TRA2B: variants seen among roughly 807,000 people sequenced by gnomAD.
The protein encoded by TRA2B is transformer-2 protein homolog beta.
TRA2B carries 14 observed loss-of-function variants against 41.7 expected under a neutral mutation model. That is an observed-to-expected ratio of 0.34 (90% CI 0.22 to 0.53). The LOEUF (loss-of-function observed/expected upper bound fraction) is 0.53, where lower values mean the gene tolerates loss of function less well. Among genes scored for constraint, TRA2B ranks in the 20% least tolerant of loss-of-function variants. The pLI is 0.95. For missense variants in TRA2B, 167 were observed against 396.8 expected (o/e 0.42, Z 4.92); for synonymous variants, 130 against 128.8 (o/e 1.01, Z -0.06).
chr3:185,923,694 GTAT>G, intron 4 of TRA2B, 99 bp downstream of exon 4: 5 of 1,123,068 alleles, frequency 4.5e-6, no homozygotes, highest in Non-Finnish European at 4.9e-6. Context: ...AAAGTTCGAA[GTAT>G]TACTGACTTG....
chr3:185,931,738 T>C (rs1387636163), intron 1 of TRA2B: 2 of 1,464,886 alleles, frequency 1.4e-6, no homozygotes, highest in East Asian at 2.7e-5. Flanking sequence ...ATAATTAGCA[T>C]GCATTCTTTC....
At position 185,926,619 on chromosome 3, in the gene TRA2B, C is replaced by T; in HGVS notation, c.152G>A (p.Arg51Lys). 2 of 1,614,110 alleles carry T rather than the reference C, an allele frequency of 1.2e-6. No individual in the cohort carries two copies. The highest frequency in any genetic ancestry group is 1.7e-6 in the Non-Finnish European group (2 of 1,179,988). Reference protein sequence around the residue: ...EDSRRSRSKSRSRSESRSRSR... With the variant: ...EDSRRSRSKSKSRSESRSRSR... ...TTCTTACCTAGATTCAGATCGGGAC[C>T]TGGACTTTGATCTGGAACGCCTGGA... The change falls in exon 2 of 9, where the codon AGG becomes AAG. Residue 51 changes from arginine to lysine, a missense_variant. This residue lies in a region of TRA2B where 94 missense variants were observed against 133.4 expected (regional missense o/e 0.70). Transcript: ENST00000453386.
intron 1 of TRA2B, among the ~76,000 whole-genome samples, chr3:185,932,491 T>C (rs1483099256): frequency 6.6e-6 from 1 of 152,090 alleles, no homozygotes; most frequent in African/African-American, 2.4e-5. Context: ...CAAAATCAAG[T>C]CAACCACCTA....
chr3:185,922,460 T>C lies in TRA2B; in HGVS notation c.523-334A>G, dbSNP rs182841037. ...CTGTATAACCCATAAGCTAAAAATT[T>C]AAATAACTAGGGGGAAAAACAGTAT... On this transcript the variant is annotated intron_variant, in intron 4 of 8. Transcript: ENST00000453386. The C allele has an allele frequency of 1.0e-3, 180 of 174,190 alleles. 2 individuals carry two copies. The highest frequency in any genetic ancestry group is 1.1e-3 in the Admixed American group (18 of 15,970). The allele number at this position is 174,190 out of a possible 1,614,324, so 10.8% of individuals were successfully genotyped here. A position where few individuals can be genotyped will look rare whatever the true frequency, so the allele number is the denominator to read the frequency against.
chr3:185,926,458 C>G, intron 2 of TRA2B, 143 bp downstream of exon 2: 1 of 1,109,246 alleles, frequency 9.0e-7, no homozygotes, highest in South Asian at 1.9e-5. Context: ...TTAGTCTTGC[C>G]TCCCAGAACT....
At chr3:185,921,865 A>G (rs1031535810) in intron 5 of TRA2B, 146 bp downstream of exon 5, 1 of 536,678 alleles carries the variant, frequency 1.9e-6, no homozygotes, top group East Asian at 3.1e-5. Context: ...TTCTACTATG[A>G]GAAAAATGCC....
intron 1 of TRA2B, among the ~76,000 whole-genome samples, chr3:185,930,838 G>C (rs946502845): frequency 6.6e-6 from 1 of 152,190 alleles, no homozygotes; most frequent in Non-Finnish European, 1.5e-5. Context: ...AAATAGGAAT[G>C]AAAGCATCTG....
In TRA2B at chr3:185,926,795, A is replaced by G. The variant is rs942066232; in HGVS notation, c.37-61T>C. 3.2e-6 allele frequency: 5 copies of G among 1,585,622 alleles called. No homozygotes were observed. The African/African-American group carries it at 6.7e-5, about 21-fold the overall frequency. On this transcript the variant is annotated intron_variant, in intron 1 of 8. Transcript: ENST00000453386. ...TTCTGGGCAACTTTAAAAACAAATAAGCTGCTGTGAGATAAATGGTGAGGG... is the reference window on the plus strand; with the variant it reads ...TTCTGGGCAACTTTAAAAACAAATAGGCTGCTGTGAGATAAATGGTGAGGG...
intron 1 of TRA2B, chr3:185,937,205 C>T (rs551325876): frequency 5.1e-6 from 5 of 985,758 alleles, no homozygotes; most frequent in South Asian, 9.3e-5. Context: ...ACCTAACGGG[C>T]CCAGAACTTA....
rs2150110169 is a variant in TRA2B, at chr3:185,916,377, A to T, written c.*1338T>A. 1 of 152,238 alleles carries T rather than the reference A, an allele frequency of 6.6e-6. No individual in the cohort carries two copies. The highest frequency in any genetic ancestry group is 1.9e-4 in the East Asian group (1 of 5,200). 9.4% of individuals were successfully genotyped at this position (152,238 alleles called of 1,614,324 possible). On this transcript the variant is annotated 3_prime_UTR_variant, in exon 9 of 9. Coordinates refer to ENST00000453386, the MANE Select transcript of TRA2B (RefSeq NM_004593.3). ...AGATTATATGTAAAGTTCTTCCCAA[A>T]GTACCTGAAACATACTAATACCTAG...
At position 185,937,511 on chromosome 3, in the gene TRA2B, T is replaced by C. The variant is rs1744411745; in HGVS notation, c.36+314A>G. ...GCAGGAGAGCAACGCCGAAATAAGA[T>C]ATCGCTCCCCTCCCCCAACACCGCG... On this transcript the variant is annotated intron_variant, in intron 1 of 8. Coordinates refer to ENST00000453386, the MANE Select transcript of TRA2B (RefSeq NM_004593.3). 4.8e-6 allele frequency: 5 copies of C among 1,050,720 alleles called. No individual in the cohort carries two copies. The South Asian group carries it at 1.2e-4, about 25-fold the overall frequency. The allele number at this position is 1,050,720 out of a possible 1,614,324, so 65.1% of individuals were successfully genotyped here.
intron 1 of TRA2B, among the ~76,000 whole-genome samples, chr3:185,932,735 A>G (rs1327009621): frequency 6.6e-6 from 1 of 152,232 alleles, no homozygotes; most frequent in African/African-American, 2.4e-5. Context: ...AACATACTAA[A>G]CAAAATAAAA....
chr3:185,915,473 C>T lies in TRA2B; in HGVS notation c.*2242G>A, dbSNP rs910991788. ...GCAGCAGTTACCTAGGGGTTACCTA[C>T]GGGTAACTGCTGCCTCCCTTTCATG... On this transcript the variant is annotated 3_prime_UTR_variant, in exon 9 of 9. Coordinates refer to ENST00000453386, the MANE Select transcript of TRA2B (RefSeq NM_004593.3). Among the ~76,000 whole-genome samples, 3 of 152,124 alleles carry T rather than the reference C, an allele frequency of 2.0e-5. No individual in the cohort carries two copies. Among genetic ancestry groups the T allele is most frequent in the Admixed American group, 6.5e-5 (1 of 15,272 alleles).
rs527460849 is a variant in TRA2B, at chr3:185,936,300, A to G, written c.36+1525T>C. ...CAACTGCCAATGATCAGAAGTCACG[A>G]CTTTTTAACAACTTTTGAGCTCAAT... is the stretch of plus-strand genomic sequence containing the variant. On this transcript the variant is annotated intron_variant, in intron 1 of 8. Transcript: ENST00000453386. 1.9e-5 allele frequency: 19 copies of G among 985,452 alleles called. No individual in the cohort carries two copies. The South Asian group carries it at 8.0e-4, about 41-fold the overall frequency. The allele number at this position is 985,452 out of a possible 1,614,324, so 61.0% of individuals were successfully genotyped here.
At chr3:185,936,869 C>T (rs560471206) in intron 1 of TRA2B, 14 of 985,378 alleles carry the variant, frequency 1.4e-5, no homozygotes, top group South Asian at 9.4e-5. Flanking sequence ...AACCCTAGAA[C>T]TGTCTTGTTC....
intron 2 of TRA2B, 104 bp downstream of exon 2, chr3:185,926,497 T>A: frequency 6.9e-7 from 1 of 1,458,626 alleles, no homozygotes. Flanking sequence ...CAATATTTAA[T>A]AGGCCAACAA....
rs777354455 is a variant in TRA2B at position 185,925,603 on chromosome 3, C to T, written c.194G>A (p.Arg65Gln). Residue 65 changes from arginine to glutamine, a missense_variant, in exon 3 of 9, where the codon CGA becomes CAA. This residue lies in a region of TRA2B where 94 missense variants were observed against 133.4 expected (regional missense o/e 0.70). Coordinates refer to ENST00000453386, the MANE Select transcript of TRA2B (RefSeq NM_004593.3). The stretch of plus-strand genomic sequence containing the variant: ...AGACCGTGACCGGGTATAATGCCTT[C>T]GGGAGCTTCTTCTGGATCTAGACCT... ...ESRSRSRRSS[R>Q]RHYTRSRSRS... is the part of the protein sequence containing the mutation. The T allele has an allele frequency of 3.1e-6, 5 of 1,613,756 alleles. No homozygotes were observed. Among genetic ancestry groups the T allele is most frequent in the Non-Finnish European group, 1.7e-6 (2 of 1,179,894 alleles).
At chr3:185,918,463 T>A (rs778329811) in intron 7 of TRA2B, 25 bp from the exon 8 acceptor site, 14 of 1,525,708 alleles carry the variant, frequency 9.2e-6, no homozygotes, top group Non-Finnish European at 1.1e-5. Context: ...CAAGATTGTC[T>A]AAGTCTCAAT....
chr3:185,917,550 G>A lies in TRA2B; in HGVS notation c.*165C>T. ...CAAAGCACCAAACTACACAAATGCAGAATGAAAACAGCATTTCAACTCCAC... is the reference window on the plus strand; with the variant it reads ...CAAAGCACCAAACTACACAAATGCAAAATGAAAACAGCATTTCAACTCCAC... On this transcript the variant is annotated 3_prime_UTR_variant, in exon 9 of 9. Coordinates refer to ENST00000453386, the MANE Select transcript of TRA2B (RefSeq NM_004593.3). The A allele has an allele frequency of 1.7e-6, 1 of 606,006 alleles. No individual in the cohort carries two copies. Among genetic ancestry groups the A allele is most frequent in the Non-Finnish European group, 2.8e-6 (1 of 352,180 alleles). The allele number at this position is 606,006 out of a possible 1,614,324, so 37.5% of individuals were successfully genotyped here.
Sources: gnomAD v4.1 joint callset for allele counts (sites outside exome capture counted in the v4.1 genomes callset) on GRCh38, gnomAD v4.1.1 for gene constraint, gnomAD v4.1.1 regional missense constraint, MANE v1.5 for transcripts, NCBI Gene and HGNC (gene_info 2026-07-23, HGNC 2026-07-21) for gene names.